HNRNPR: variants seen among roughly 807,000 people sequenced by gnomAD.
HNRNPR encodes heterogeneous nuclear ribonucleoprotein R.
Under a neutral mutation model 70.3 loss-of-function variants are expected in HNRNPR, and 4 were observed. That is an observed-to-expected ratio of 0.06 (90% CI 0.03 to 0.13). The LOEUF (loss-of-function observed/expected upper bound fraction) is 0.13. Ranked by LOEUF, HNRNPR falls within the 10% of genes least tolerant of loss-of-function variation. The probability of loss-of-function intolerance (pLI) is 1.00; values close to 1 mark genes in which losing one functional copy is unlikely to be tolerated. For missense variants in HNRNPR, 423 were observed against 788.5 expected (o/e 0.54, Z 5.55); for synonymous variants, 241 against 267.6 (o/e 0.90, Z 0.97).
rs1645308684 is a variant in HNRNPR at position 23,310,929 on chromosome 1, CCATAGTAATCAT to C, written c.1415_1426del (p.Asp472_Tyr475del). 6.2e-7 allele frequency: 1 copy of C among 1,614,120 alleles called. No homozygotes were observed. Among genetic ancestry groups the C allele is most frequent in the Non-Finnish European group, 8.5e-7 (1 of 1,180,028 alleles). ...TCCACGATAGTCGTGATAATCATAA[CCATAGTAATCAT>C]CATAGTAATCTTCATAGCCGTAGTA... is the stretch of plus-strand genomic sequence containing the variant. On this transcript the variant is annotated inframe_deletion, in exon 11 of 11. Coordinates refer to ENST00000302271, the MANE Select transcript of HNRNPR (RefSeq NM_005826.5). This position sits in a 1 kb window ranked among gnomAD's most constrained non-coding sequence, Gnocchi z 6.0.
At chr1:23,338,883 C>T (rs146584709) in intron 2 of HNRNPR, among the ~76,000 whole-genome samples, 2 of 152,288 alleles carry the variant, frequency 1.3e-5, no homozygotes, top group East Asian at 1.9e-4. Flanking sequence ...TTTCCCACTC[C>T]CCCAAAGGTA....
chr1:23,320,607 T>C (rs1645717761), intron 7 of HNRNPR, among the ~76,000 whole-genome samples: 1 of 152,152 alleles, frequency 6.6e-6, no homozygotes, highest in Admixed American at 6.5e-5. Context: ...GGAAAGGATA[T>C]GTCTGGATGA....
At chr1:23,335,004 G>A (rs970066875) in intron 4 of HNRNPR, among the ~76,000 whole-genome samples, 4 of 151,736 alleles carry the variant, frequency 2.6e-5, no homozygotes, top group Admixed American at 6.6e-5. Context: ...TGCAAGCTCC[G>A]CCTCCCGGGT....
At chr1:23,343,789 T>C (rs1179313284) in intron 1 of HNRNPR, among the ~76,000 whole-genome samples, 2 of 150,828 alleles carry the variant, frequency 1.3e-5, no homozygotes, top group East Asian at 4.0e-4. Flanking sequence ...CTCAGGCCCG[T>C]CCGGATCATC....
At chr1:23,336,610 T>A (rs1570107374) in intron 4 of HNRNPR, among the ~76,000 whole-genome samples, 1 of 130,722 alleles carries the variant, frequency 7.6e-6, no homozygotes, top group Non-Finnish European at 1.6e-5. Flanking sequence ...ATTAGCTGGA[T>A]GTGGTGGCGC....
chr1:23,342,818 T>C (rs1220721496), intron 1 of HNRNPR, among the ~76,000 whole-genome samples: 1 of 152,170 alleles, frequency 6.6e-6, no homozygotes, highest in Admixed American at 6.5e-5. Context: ...GGTGGGGTTT[T>C]TAAGTATGTG....
Position 23,318,486 on chromosome 1 carries a change from A to G in HNRNPR, c.1014T>C (p.Ala338=). Residue 338 remains alanine (A), a synonymous_variant, in exon 8 of 11, where the codon GCT becomes GCC. Transcript: ENST00000302271. The surrounding 1 kb of genome is among the most constrained non-coding windows in gnomAD (Gnocchi z 4.2). The part of the protein sequence containing the change: ...PVEEPDPEVM[A]KVKVLFVRNL... ...CATTCCAAGCAACTGTATTTACCTT[A>G]GCCATGACTTCTGGATCTGGTTCTT... The G allele has an allele frequency of 6.2e-7, 1 of 1,613,198 alleles. No individual in the cohort carries two copies.
intron 8 of HNRNPR, among the ~76,000 whole-genome samples, chr1:23,316,179 G>A (rs1437825502): frequency 2.0e-5 from 3 of 152,172 alleles, no homozygotes; most frequent in African/African-American, 7.2e-5. Flanking sequence ...AAAGGAGCTG[G>A]ATGGGGTTGC....
intron 2 of HNRNPR, among the ~76,000 whole-genome samples, chr1:23,339,782 A>G (rs1289167833): frequency 6.6e-6 from 1 of 152,154 alleles, no homozygotes; most frequent in African/African-American, 2.4e-5. Context: ...ACCCGAAGCC[A>G]CAACTCAGGA....
At chr1:23,331,933 A>G (rs1646248370) in intron 5 of HNRNPR, among the ~76,000 whole-genome samples, 1 of 146,958 alleles carries the variant, frequency 6.8e-6, no homozygotes, top group Admixed American at 6.8e-5. Context: ...GGAGTTCATG[A>G]CCCGCCTGGC....
intron 4 of HNRNPR, among the ~76,000 whole-genome samples, chr1:23,335,383 C>T (rs1646429002): frequency 6.6e-6 from 1 of 152,246 alleles, no homozygotes; most frequent in Non-Finnish European, 1.5e-5. Context: ...CCCCACACCC[C>T]TGGGCCACAG....
chr1:23,307,489 G>C lies in HNRNPR; in HGVS notation c.*2965C>G, dbSNP rs758607660. 6.6e-6 allele frequency: 1 copy of C among 151,696 alleles called. No individual in the cohort carries two copies. Among genetic ancestry groups the C allele is most frequent in the Non-Finnish European group, 1.5e-5 (1 of 67,868 alleles). 9.4% of individuals were successfully genotyped at this position (151,696 alleles called of 1,614,324 possible). On this transcript the variant is annotated 3_prime_UTR_variant, in exon 11 of 11. Coordinates refer to ENST00000302271, the MANE Select transcript of HNRNPR (RefSeq NM_005826.5). The stretch of plus-strand genomic sequence containing the variant: ...GGCTTTCTTATGCAGAATAACCCCA[G>C]TAACTAAAAAAACCTGAAAAACAAT...
In HNRNPR at chr1:23,306,639, C is replaced by T. The variant is rs1645206370; in HGVS notation, c.*3815G>A. On this transcript the variant is annotated 3_prime_UTR_variant, in exon 11 of 11. Coordinates refer to ENST00000302271, the MANE Select transcript of HNRNPR (RefSeq NM_005826.5). ...ACAAAACCAGAGCTTCTGGTAACCT[C>T]TAAATAAAAAAGTATATATATGTAC... The T allele has an allele frequency of 6.6e-6, 1 of 151,670 alleles. No individual in the cohort carries two copies. The highest frequency in any genetic ancestry group is 1.5e-5 in the Non-Finnish European group (1 of 67,918). The allele number at this position is 151,670 out of a possible 1,614,324, so 9.4% of individuals were successfully genotyped here.
intron 5 of HNRNPR, among the ~76,000 whole-genome samples, chr1:23,333,193 A>G (rs906347589): frequency 9.9e-5 from 15 of 151,672 alleles, no homozygotes; most frequent in South Asian, 4.2e-4. Flanking sequence ...AGGGGAGGGG[A>G]AAAAAAAAGA....
chr1:23,334,755 T>C (rs900912383), intron 4 of HNRNPR, among the ~76,000 whole-genome samples: 9 of 152,158 alleles, frequency 5.9e-5, no homozygotes, highest in African/African-American at 2.2e-4. Flanking sequence ...TACATTCTAT[T>C]AGGTATTAAG....
At chr1:23,325,262 G>T (rs1280337872) in intron 5 of HNRNPR, among the ~76,000 whole-genome samples, 1 of 152,116 alleles carries the variant, frequency 6.6e-6, no homozygotes, top group Non-Finnish European at 1.5e-5. Context: ...TTCACAGTCT[G>T]AAAAATAGCT....
Position 23,323,571 on chromosome 1 carries a change from C to G in HNRNPR, c.660G>C (p.Gln220His). ...FITFCGKEAA[Q>H]EAVKLCDSYE... Reference sequence around the variant, plus strand: ...TATCACATACCAGTTTCACGGCTTCCTGTGCAGCTTCCTTTCCACAGAAGG... The same window carrying G: ...TATCACATACCAGTTTCACGGCTTCGTGTGCAGCTTCCTTTCCACAGAAGG... Residue 220 changes from glutamine (Q) to histidine (H), a missense_variant, in exon 6 of 11, where the codon CAG (glutamine) becomes CAC (histidine). Physicochemically the swap from Gln to His is conservative, Grantham distance 24 (BLOSUM62 0). Coordinates refer to ENST00000302271, the MANE Select transcript of HNRNPR (RefSeq NM_005826.5). The G allele has an allele frequency of 6.2e-7, 1 of 1,613,750 alleles. No homozygotes were observed. Among genetic ancestry groups the G allele is most frequent in the East Asian group, 2.2e-5 (1 of 44,876 alleles).
chr1:23,317,912 G>A (rs1645613085), intron 8 of HNRNPR, among the ~76,000 whole-genome samples: 2 of 151,498 alleles, frequency 1.3e-5, no homozygotes, highest in Admixed American at 1.3e-4. Context: ...CCTGGGAGGT[G>A]GAGGTTGCAG....
chr1:23,331,833 T>A (rs1283184202), intron 5 of HNRNPR, among the ~76,000 whole-genome samples: 1 of 13,694 alleles, frequency 7.3e-5, no homozygotes, highest in Admixed American at 5.9e-4. Context: ...GACTGTTTCT[T>A]TAAAAAAAAA....
Sources: allele counts gnomAD v4.1 joint callset (sites outside exome capture counted in the v4.1 genomes callset), GRCh38; gene constraint gnomAD v4.1.1; non-coding constraint Gnocchi (gnomAD v3.1); transcripts MANE v1.5; gene names NCBI Gene and HGNC (gene_info 2026-07-23, HGNC 2026-07-21).